Variants in ANKS1B observed in about 807,000 individuals in gnomAD.
ANKS1B encodes ankyrin repeat and sterile alpha motif domain containing 1B.
In ANKS1B, 36 loss-of-function variants were observed where a neutral mutation model predicts 148.3. That is an observed-to-expected ratio of 0.24 (90% CI 0.19 to 0.32). The LOEUF (loss-of-function observed/expected upper bound fraction) is 0.32. Among genes scored for constraint, ANKS1B ranks in the 10% least tolerant of loss-of-function variants. ANKS1B has a pLI of 1.00. For missense variants in ANKS1B, 1,157 were observed against 1,542.6 expected, an observed-to-expected ratio of 0.75 and a Z score of 4.19; for synonymous variants, 542 against 560.8, an observed-to-expected ratio of 0.97 and a Z score of 0.47.
intron 17 of ANKS1B, among the ~76,000 whole-genome samples, chr12:98,860,357 A>C (rs1164270380): frequency 6.6e-6 from 1 of 152,240 alleles, no homozygotes; most frequent in Non-Finnish European, 1.5e-5. Context: ...TGGTTCAGTA[A>C]GTTTGACCCT....
intron 12 of ANKS1B, among the ~76,000 whole-genome samples, chr12:99,373,124 T>C (rs2093229435): frequency 6.6e-6 from 1 of 152,154 alleles, no homozygotes; most frequent in Non-Finnish European, 1.5e-5. Flanking sequence ...TTTACATATA[T>C]CTTACTTACC....
chr12:99,382,391 A>C (rs1056951176), intron 12 of ANKS1B, among the ~76,000 whole-genome samples: 1 of 152,126 alleles, frequency 6.6e-6, no homozygotes, highest in African/African-American at 2.4e-5. Context: ...CATATCAAAG[A>C]GATGCAGCTT....
At chr12:99,193,208 T>C (rs2080960514) in intron 14 of ANKS1B, among the ~76,000 whole-genome samples, 2 of 152,156 alleles carry the variant, frequency 1.3e-5, no homozygotes, top group African/African-American at 4.8e-5. Flanking sequence ...TACCCTGAAA[T>C]ATGGCACTTT....
At chr12:99,090,174 C>G (rs2053554292) in intron 15 of ANKS1B, among the ~76,000 whole-genome samples, 1 of 152,134 alleles carries the variant, frequency 6.6e-6, no homozygotes, top group Non-Finnish European at 1.5e-5. Context: ...TTTAATTATT[C>G]ATTAGAAGTA....
intron 14 of ANKS1B, among the ~76,000 whole-genome samples, chr12:99,208,564 G>T (rs2082951016): frequency 6.6e-6 from 1 of 152,038 alleles, no homozygotes; most frequent in African/African-American, 2.4e-5. Context: ...TCCTAATTCT[G>T]GTTATTGTGC....
chr12:99,614,885 T>A (rs2097938500), intron 9 of ANKS1B, among the ~76,000 whole-genome samples: 1 of 93,920 alleles, frequency 1.1e-5, no homozygotes, highest in East Asian at 2.5e-4. Flanking sequence ...AATTAATTCT[T>A]CCTCAGGAAA....
intron 17 of ANKS1B, among the ~76,000 whole-genome samples, chr12:98,847,688 C>T (rs554820168): frequency 3.3e-5 from 5 of 152,102 alleles, no homozygotes; most frequent in African/African-American, 9.7e-5. Flanking sequence ...TTCTGCCTCC[C>T]GGGTTCAAAC....
chr12:99,352,410 G>C (rs545162533), intron 12 of ANKS1B, among the ~76,000 whole-genome samples: 2 of 151,938 alleles, frequency 1.3e-5, no homozygotes, highest in South Asian at 2.1e-4. Context: ...GATCTGGGAG[G>C]GGGGAGTCTG....
chr12:99,268,586 A>C (rs1180271373), intron 12 of ANKS1B, among the ~76,000 whole-genome samples: 2 of 152,236 alleles, frequency 1.3e-5, no homozygotes, highest in African/African-American at 2.4e-5. Flanking sequence ...CCTGACTCAG[A>C]ACTTTGAAAA....
intron 12 of ANKS1B, among the ~76,000 whole-genome samples, chr12:99,292,720 C>A (rs1379859142): frequency 6.6e-6 from 1 of 152,118 alleles, no homozygotes; most frequent in African/African-American, 2.4e-5. Flanking sequence ...CAAAAGAAAA[C>A]ATCTATCCAG....
intron 16 of ANKS1B, among the ~76,000 whole-genome samples, chr12:99,066,644 T>C (rs1342086298): frequency 1.3e-5 from 2 of 152,188 alleles, no homozygotes; most frequent in South Asian, 4.1e-4. Flanking sequence ...ACTGCTGTGT[T>C]GAGTAAAGCT....
chr12:99,196,051 T>C (rs1229388644), intron 14 of ANKS1B, among the ~76,000 whole-genome samples: 1 of 152,164 alleles, frequency 6.6e-6, no homozygotes, highest in East Asian at 1.9e-4. Context: ...TATTAAGTAA[T>C]AAATGCCAAA....
chr12:99,288,821 A>C (rs1340051819), intron 12 of ANKS1B, among the ~76,000 whole-genome samples: 1 of 152,032 alleles, frequency 6.6e-6, no homozygotes, highest in Admixed American at 6.6e-5. Flanking sequence ...ACCTTCACTA[A>C]ATAGACAAAG....
intron 17 of ANKS1B, among the ~76,000 whole-genome samples, chr12:99,025,342 CAT>C (rs974518409): frequency 2.0e-5 from 3 of 152,172 alleles, no homozygotes; most frequent in Non-Finnish European, 4.4e-5. Flanking sequence ...AGAAATTCTT[CAT>C]GTGTTTTACA....
chr12:99,543,522 T>C (rs570074385), intron 9 of ANKS1B, among the ~76,000 whole-genome samples: 18 of 152,226 alleles, frequency 1.2e-4, no homozygotes, highest in South Asian at 1.0e-3. Flanking sequence ...AACTTGCACA[T>C]AAATGCTCAT....
chr12:99,402,343 G>A (rs535820532), intron 11 of ANKS1B, among the ~76,000 whole-genome samples: 2 of 145,872 alleles, frequency 1.4e-5, no homozygotes, highest in Admixed American at 1.4e-4. Flanking sequence ...TTAAGTTCAG[G>A]GGTACATGTG....
At chr12:99,166,262 T>C (rs2077176916) in intron 14 of ANKS1B, among the ~76,000 whole-genome samples, 1 of 151,708 alleles carries the variant, frequency 6.6e-6, no homozygotes, top group Non-Finnish European at 1.5e-5. Context: ...CTGGAGGTTC[T>C]AGCTGGTGCA....
chr12:99,324,301 A>G (rs983898938), intron 12 of ANKS1B, among the ~76,000 whole-genome samples: 2 of 152,160 alleles, frequency 1.3e-5, no homozygotes, highest in South Asian at 2.1e-4. Context: ...CTAATTTTAC[A>G]GGTGGGAAAT....
rs940996818 is a variant in ANKS1B at position 99,660,368 on chromosome 12, T to TC, written c.1129-5159_1129-5158insG. Among the ~76,000 whole-genome samples the TC allele has an allele frequency of 3.9e-4, 57 of 146,036 alleles. 2 individuals are homozygous for TC. The highest frequency in any genetic ancestry group is 1.4e-3 in the African/African-American group (54 of 38,820). On this transcript the variant is annotated intron_variant, in intron 8 of 26. Transcript: ENST00000683438. The stretch of plus-strand genomic sequence containing the variant: ...TTATCTTTCTTTTTCTTTTTCTTTT[T>TC]TTTTTTTTTTTTTGAGGTGGAGTCT...
Sources: gnomAD v4.1 joint callset for allele counts (sites outside exome capture counted in the v4.1 genomes callset) on GRCh38, gnomAD v4.1.1 for gene constraint, MANE v1.5 for transcripts, NCBI Gene and HGNC (gene_info 2026-07-23, HGNC 2026-07-21) for gene names.